Variants in DNAH8 observed in about 807,000 individuals in gnomAD.
The protein encoded by DNAH8 is axonemal beta dynein heavy chain 8.
DNAH8 carries 382 observed loss-of-function variants against 562.1 expected under a neutral mutation model. The observed-to-expected ratio is 0.68, with a 90% confidence interval of 0.63 to 0.74. The LOEUF (loss-of-function observed/expected upper bound fraction) is 0.74. Among genes scored for constraint, DNAH8 ranks in the 30% least tolerant of loss-of-function variants. The pLI, the probability that DNAH8 is intolerant of heterozygous loss-of-function variation, is 0.00. For synonymous variants in DNAH8, 1,881 were observed against 1,919.4 expected (o/e 0.98, Z 0.52); for missense variants, 5,203 against 5,620.4 (o/e 0.93, Z 2.37).
At chr6:38,779,404 T>C (rs934594950) in intron 14 of DNAH8, among the ~76,000 whole-genome samples, 2 of 152,190 alleles carry the variant, frequency 1.3e-5, no homozygotes, top group African/African-American at 4.8e-5. Context: ...TCTCTCTCTC[T>C]CTCTTTTTAC....
chr6:38,934,324 G>T (rs1174405593), intron 76 of DNAH8, among the ~76,000 whole-genome samples: 2 of 152,032 alleles, frequency 1.3e-5, no homozygotes, highest in Non-Finnish European at 2.9e-5. Flanking sequence ...CTGTATCCTA[G>T]CCTGGGTGTC....
At chr6:38,927,936 C>T (rs143584921) in intron 74 of DNAH8, 1 of 152,296 alleles carries the variant, frequency 6.6e-6, no homozygotes, top group Non-Finnish European at 1.5e-5. Flanking sequence ...ATTCTCCTTA[C>T]TCAGACAACA....
chr6:38,891,202 G>A (rs539040907), intron 58 of DNAH8, among the ~76,000 whole-genome samples: 5 of 152,318 alleles, frequency 3.3e-5, no homozygotes, highest in Admixed American at 2.0e-4. Flanking sequence ...GAGCAGGAGC[G>A]TGAGTTAGTA....
intron 85 of DNAH8, among the ~76,000 whole-genome samples, chr6:38,980,312 TAAAA>T (rs1302149308): frequency 6.6e-6 from 1 of 152,022 alleles, no homozygotes; most frequent in Non-Finnish European, 1.5e-5. Context: ...TGAAACATCT[TAAAA>T]AACCCACAAA....
intron 14 of DNAH8, among the ~76,000 whole-genome samples, chr6:38,779,169 G>A (rs996853860): frequency 6.6e-6 from 1 of 152,176 alleles, no homozygotes; most frequent in Non-Finnish European, 1.5e-5. Flanking sequence ...CTGTGTCAGG[G>A]ACGCTTGTGG....
At chr6:38,797,851 C>T (rs567868004) in intron 21 of DNAH8, among the ~76,000 whole-genome samples, 2 of 152,182 alleles carry the variant, frequency 1.3e-5, no homozygotes, top group Non-Finnish European at 2.9e-5. Context: ...TGTACTGTCA[C>T]TCTGCTCAAT....
At chr6:38,795,581 GA>G (rs1554212768) in intron 21 of DNAH8, among the ~76,000 whole-genome samples, 27,213 of 127,912 alleles carry the variant, frequency 0.21, 2,653 homozygotes, top group Middle Eastern at 0.23. Flanking sequence ...CTGTGTCTCA[GA>G]AAAAAAAAAA....
rs1160474440 is a variant in DNAH8, at chr6:38,923,069, T to A, written c.10674T>A (p.Asn3558Lys). 1.2e-6 allele frequency: 2 copies of A among 1,612,776 alleles called. No individual in the cohort carries two copies. The highest frequency in any genetic ancestry group is 1.7e-6 in the Non-Finnish European group (2 of 1,179,546). ...CATTATGGCTGCAGGATTTGCTTAA[T>A]GACGCTGATACGTGCCGGAAAAAGA... is the stretch of plus-strand genomic sequence containing the variant. ...AAMNEKMDLL[N>K]DADTCRKKMQ... Residue 3558 changes from asparagine to lysine, a missense_variant, in exon 72 of 93, where the codon AAT (asparagine) becomes AAA (lysine). Transcript: ENST00000327475.
chr6:38,936,912 G>A (rs1324655836), intron 77 of DNAH8, among the ~76,000 whole-genome samples: 2 of 152,130 alleles, frequency 1.3e-5, no homozygotes, highest in African/African-American at 2.4e-5. Context: ...GGAACTGTTC[G>A]CAGATATGGG....
At chr6:38,884,196 T>G (rs1007800898) in intron 56 of DNAH8, among the ~76,000 whole-genome samples, 198 bp downstream of exon 56, 1 of 152,204 alleles carries the variant, frequency 6.6e-6, no homozygotes, top group African/African-American at 2.4e-5. Context: ...TTGTTTTTGT[T>G]TTTTTATTAA....
intron 75 of DNAH8, 116 bp downstream of exon 75, chr6:38,929,782 T>C (rs1292172194): frequency 4.1e-6 from 4 of 985,532 alleles, no homozygotes; most frequent in African/African-American, 3.3e-5. Context: ...ACTTATCTTA[T>C]TGAGCATAGC....
intron 76 of DNAH8, among the ~76,000 whole-genome samples, chr6:38,932,537 AT>A (rs1166668901): frequency 6.6e-6 from 1 of 152,228 alleles, no homozygotes; most frequent in East Asian, 1.9e-4. Context: ...GATTAAACTA[AT>A]TTTTAAGTTG....
At chr6:38,832,652 G>T (rs1773939303) in intron 31 of DNAH8, among the ~76,000 whole-genome samples, 1 of 152,122 alleles carries the variant, frequency 6.6e-6, no homozygotes, top group African/African-American at 2.4e-5. Flanking sequence ...ATTTTTCTGG[G>T]CCACACATAA....
chr6:38,757,274 A>G (rs1766010791), intron 10 of DNAH8, among the ~76,000 whole-genome samples: 2 of 152,180 alleles, frequency 1.3e-5, no homozygotes, highest in Non-Finnish European at 2.9e-5. Context: ...ATGGCCAGTG[A>G]TGATGAGCAT....
At chr6:39,024,095 T>A (rs1208453236) in intron 91 of DNAH8, among the ~76,000 whole-genome samples, 2 of 152,230 alleles carry the variant, frequency 1.3e-5, no homozygotes, top group Non-Finnish European at 2.9e-5. Flanking sequence ...ATGTGCTAAA[T>A]AAGCGAGAAT....
chr6:38,790,606 C>T (rs1341971708), intron 20 of DNAH8, among the ~76,000 whole-genome samples: 2 of 151,898 alleles, frequency 1.3e-5, no homozygotes, highest in South Asian at 2.1e-4. Context: ...GGATGGATCA[C>T]GAGGTCAGGA....
At chr6:38,957,291 AAT>A (rs923620033) in intron 82 of DNAH8, among the ~76,000 whole-genome samples, 1 of 148,900 alleles carries the variant, frequency 6.7e-6, no homozygotes, top group African/African-American at 2.4e-5. Flanking sequence ...TATAAAAATT[AAT>A]ATATATATTA....
chr6:38,898,227 A>G (rs1403282088), intron 60 of DNAH8, 31 bp from the exon 61 acceptor site: 2 of 1,557,344 alleles, frequency 1.3e-6, no homozygotes, highest in Non-Finnish European at 1.7e-6. Context: ...GATCTTAAAT[A>G]TTATTTTTTT....
At position 38,750,807 on chromosome 6, in the gene DNAH8, T is replaced by A. The variant is rs16890983; in HGVS notation, c.1407+218T>A. ...GTACAATTTAAGAAACTGACTTGTATAATTAATGCATTAAAAATCTTTAAT... is the reference window on the plus strand; with the variant it reads ...GTACAATTTAAGAAACTGACTTGTAAAATTAATGCATTAAAAATCTTTAAT... On this transcript the variant is annotated intron_variant, in intron 9 of 92. Transcript: ENST00000327475. 0.046 allele frequency among the ~76,000 whole-genome samples: 6,964 copies of A among 152,166 alleles called. 189 individuals are homozygous for A. The highest frequency in any genetic ancestry group is 0.096 in the East Asian group (499 of 5,188).
Sources: allele counts gnomAD v4.1 joint callset (sites outside exome capture counted in the v4.1 genomes callset), GRCh38; gene constraint gnomAD v4.1.1; transcripts MANE v1.5; gene names NCBI Gene and HGNC (gene_info 2026-07-23, HGNC 2026-07-21).